The following ZNF341 variants were observed in gnomAD, a reference collection of about 807,000 sequenced individuals.
ZNF341 encodes the protein zinc finger protein 341.
In ZNF341, 52 loss-of-function variants were observed where a neutral mutation model predicts 87.7. The ratio of observed to expected loss-of-function variants is 0.59; its 90% CI spans 0.47 to 0.75. ZNF341 has a LOEUF of 0.75. Ranked by LOEUF, ZNF341 falls within the 30% of genes least tolerant of loss-of-function variation. The pLI is 0.00. For synonymous variants in ZNF341, 459 were observed against 472.7 expected, an observed-to-expected ratio of 0.97 and a Z score of 0.38; for missense variants, 977 against 1,145.9, an observed-to-expected ratio of 0.85 and a Z score of 2.13.
chr20:33,742,730 A>G (rs1022260635), intron 2 of ZNF341, among the ~76,000 whole-genome samples: 4 of 150,522 alleles, frequency 2.7e-5, no homozygotes, highest in African/African-American at 9.8e-5. Context: ...CTGCCAATGT[A>G]CTGGGATTGC....
chr20:33,765,631 C>T (rs977174681), intron 8 of ZNF341, among the ~76,000 whole-genome samples: 14 of 152,226 alleles, frequency 9.2e-5, no homozygotes, highest in Non-Finnish European at 4.4e-5. Context: ...CCTCCTTCCT[C>T]GGCCTCCTAA....
chr20:33,782,641 A>G (rs1372118785), intron 11 of ZNF341, among the ~76,000 whole-genome samples: 1 of 152,200 alleles, frequency 6.6e-6, no homozygotes, highest in Non-Finnish European at 1.5e-5. Flanking sequence ...ACTAGAGGAT[A>G]GGTGTACTGT....
At chr20:33,785,831 TTTCCTTATCATA>T (rs1348570081) in intron 12 of ZNF341, among the ~76,000 whole-genome samples, 5 of 152,228 alleles carry the variant, frequency 3.3e-5, no homozygotes, top group Non-Finnish European at 5.9e-5. Flanking sequence ...TGTGCCTTTT[TTTCCTTATCATA>T]TACCTTGGCG....
At position 33,758,818 on chromosome 20, in the gene ZNF341, T is replaced by TG; in HGVS notation, c.1028+14dup. ...CAGCACATCCGAAGGTACACATGCG[T>TG]GGTGAGGCAGGTGGCTCCTGGGCAG... On this transcript the variant is annotated intron_variant, in intron 7 of 14. Coordinates refer to ENST00000375200, the MANE Select transcript of ZNF341 (RefSeq NM_001282933.2). 1.2e-6 allele frequency: 2 copies of TG among 1,612,784 alleles called. No individual in the cohort carries two copies. Among genetic ancestry groups the TG allele is most frequent in the Non-Finnish European group, 1.7e-6 (2 of 1,179,248 alleles).
intron 3 of ZNF341, among the ~76,000 whole-genome samples, chr20:33,746,259 G>GTTTTTTTTT (rs2018919907): frequency 9.8e-6 from 1 of 101,880 alleles, no homozygotes; most frequent in African/African-American, 4.9e-5. Context: ...TTGAGACGGA[G>GTTTTTTTTT]TTTCACTCTT....
chr20:33,758,566 C>T (rs1378010738), intron 6 of ZNF341, 150 bp from the exon 7 acceptor site: 2 of 606,194 alleles, frequency 3.3e-6, no homozygotes, highest in Non-Finnish European at 5.8e-6. Context: ...CCCTGTGAAG[C>T]TCTCCCATGT....
At chr20:33,769,378 G>GC (rs201509190) in intron 9 of ZNF341, among the ~76,000 whole-genome samples, 1 of 125,894 alleles carries the variant, frequency 7.9e-6, no homozygotes, top group African/African-American at 3.4e-5. Flanking sequence ...GTGGTGGTGG[G>GC]GGGGGGGGCA....
intron 9 of ZNF341, among the ~76,000 whole-genome samples, 181 bp downstream of exon 9, chr20:33,767,222 A>G (rs1353480100): frequency 1.3e-5 from 2 of 152,168 alleles, no homozygotes; most frequent in Non-Finnish European, 2.9e-5. Flanking sequence ...CCTTGGGGCA[A>G]ATCACAGAAA....
Position 33,732,115 on chromosome 20 carries a change from TCGCAGCGCCCGGCCTAGGGCG to T in ZNF341, c.31+71_31+91del. 1.8e-6 allele frequency: 2 copies of T among 1,105,534 alleles called. No homozygotes were observed. The highest frequency in any genetic ancestry group is 2.2e-6 in the Non-Finnish European group (2 of 906,376). The allele number at this position is 1,105,534 out of a possible 1,614,324, so 68.5% of individuals were successfully genotyped here. A position where few individuals can be genotyped will look rare whatever the true frequency, so the allele number is the denominator to read the frequency against. On this transcript the variant is annotated intron_variant, in intron 1 of 14. Coordinates refer to ENST00000375200, the MANE Select transcript of ZNF341 (RefSeq NM_001282933.2). The surrounding 1 kb of genome is among the most constrained non-coding windows in gnomAD (Gnocchi z 4.5). ...CGCTGCGCCCCCTCCCGCCGCGCCC[TCGCAGCGCCCGGCCTAGGGCG>T]CGCAGCGGCCGCGGGGCGGAGGGCG... is the stretch of plus-strand genomic sequence containing the variant.
chr20:33,755,226 T>A (rs1449763575), intron 5 of ZNF341, among the ~76,000 whole-genome samples: 1 of 152,228 alleles, frequency 6.6e-6, no homozygotes, highest in Non-Finnish European at 1.5e-5. Context: ...ATTACAGGCA[T>A]GAGCCACCAC....
intron 1 of ZNF341, among the ~76,000 whole-genome samples, chr20:33,733,516 C>T (rs1039034901): frequency 3.7e-4 from 57 of 152,088 alleles, no homozygotes; most frequent in African/African-American, 1.4e-3. Flanking sequence ...GGATTACAGG[C>T]GTGAGCCACC....
At chr20:33,742,548 T>C (rs1438072954) in intron 2 of ZNF341, among the ~76,000 whole-genome samples, 1 of 151,822 alleles carries the variant, frequency 6.6e-6, no homozygotes, top group African/African-American at 2.4e-5. Context: ...ACTCCTGACC[T>C]CAGGTGATCC....
At chr20:33,741,883 G>T (rs938042358) in intron 2 of ZNF341, among the ~76,000 whole-genome samples, 1 of 152,158 alleles carries the variant, frequency 6.6e-6, no homozygotes, top group African/African-American at 2.4e-5. Flanking sequence ...TTTCTCTGTG[G>T]TTCAGTTCCT....
In ZNF341 at chr20:33,740,943, G is replaced by T. The variant is rs773290326; in HGVS notation, c.73G>T (p.Asp25Tyr). The change falls in exon 2 of 15, where the codon GAT becomes TAT. Residue 25 changes from aspartate (D) to tyrosine (Y), a missense_variant. Around this residue, in one of 3 missense-constraint regions of ZNF341, gnomAD observed 515 missense variants for 598.2 expected, o/e 0.86. Transcript: ENST00000375200. Reference sequence around the variant, plus strand: ...CGTTCTGGCTGTCCAGTCATTATTGGATGGCCAAGGAGCAGTCCCTGATCC... The same window carrying T: ...CGTTCTGGCTGTCCAGTCATTATTGTATGGCCAAGGAGCAGTCCCTGATCC... The part of the protein sequence containing the change: ...QTVLAVQSLL[D>Y]GQGAVPDPTG... 6.8e-6 allele frequency: 11 copies of T among 1,614,088 alleles called. No homozygotes were observed. The highest frequency in any genetic ancestry group is 8.5e-6 in the Non-Finnish European group (10 of 1,180,054).
At position 33,787,562 on chromosome 20, in the gene ZNF341, G is replaced by C. The variant is rs532990371; in HGVS notation, c.1853-1301G>C. On this transcript the variant is annotated intron_variant, in intron 12 of 14. Transcript: ENST00000375200. ...TCCAAAGGGCAGGCTGTGACCCCACGGCAACTTTGCAGGCACCTCCCTTGA... is the reference window on the plus strand; with the variant it reads ...TCCAAAGGGCAGGCTGTGACCCCACCGCAACTTTGCAGGCACCTCCCTTGA... 4.6e-5 allele frequency: 7 copies of C among 152,312 alleles called. No homozygotes were observed. The South Asian group carries it at 1.4e-3, about 32-fold the overall frequency. 9.4% of individuals were successfully genotyped at this position (152,312 alleles called of 1,614,324 possible).
intron 12 of ZNF341, among the ~76,000 whole-genome samples, chr20:33,784,698 T>A (rs2019818462): frequency 6.6e-6 from 1 of 151,534 alleles, no homozygotes; most frequent in Non-Finnish European, 1.5e-5. Context: ...CACTGCAACC[T>A]CTGCCTCCCG....
intron 7 of ZNF341, among the ~76,000 whole-genome samples, chr20:33,760,913 C>A (rs1359488532): frequency 6.6e-6 from 1 of 152,086 alleles, no homozygotes; most frequent in Non-Finnish European, 1.5e-5. Flanking sequence ...CTAGATCTTG[C>A]ATTTTTTTTT....
Position 33,766,879 on chromosome 20 carries a change from A to G in ZNF341, c.1251A>G (p.Pro417=). 6.2e-7 allele frequency: 1 copy of G among 1,613,208 alleles called. No homozygotes were observed. The change falls in exon 9 of 15, where the codon CCA becomes CCG. Residue 417 remains proline, a synonymous_variant. Coordinates refer to ENST00000375200, the MANE Select transcript of ZNF341 (RefSeq NM_001282933.2). ...TGGGCCAGCCCCTGCCGGGTGCGCC[A>G]CAGCCCCAGGCCTTGTCCACAGCTG... ...TGLGQPLPGA[P]QPQALSTAGE...
At position 33,761,870 on chromosome 20, in the gene ZNF341, G is replaced by A; in HGVS notation, c.1037G>A (p.Gly346Asp). 1 of 1,551,170 alleles carries A rather than the reference G, an allele frequency of 6.4e-7. No individual in the cohort carries two copies. Among genetic ancestry groups the A allele is most frequent in the Non-Finnish European group, 8.8e-7 (1 of 1,135,916 alleles). Residue 346 changes from glycine (G) to aspartate (D), a missense_variant, in exon 8 of 15, where the codon GGT becomes GAT. Physicochemically the swap from Gly to Asp is moderately conservative, Grantham distance 94 (BLOSUM62 -1). Transcript: ENST00000375200. ...AAGCTTGTCTTCCACAGCCACACCG[G>A]TGAGAAGCCCTTCCAGTGCATTGCA... ...DLQQHIRSHTGEKPFQCIACG... is the reference protein window; with the variant it reads ...DLQQHIRSHTDEKPFQCIACG...
Sources: gnomAD v4.1 joint callset for allele counts (sites outside exome capture counted in the v4.1 genomes callset) on GRCh38, gnomAD v4.1.1 for gene constraint, gnomAD v4.1.1 regional missense constraint, Gnocchi (gnomAD v3.1) non-coding constraint, MANE v1.5 for transcripts, NCBI Gene and HGNC (gene_info 2026-07-23, HGNC 2026-07-21) for gene names.